ABCB1: variants seen among roughly 807,000 people sequenced by gnomAD.
ABCB1 encodes ATP binding cassette subfamily B member 1, also known as ATP-dependent translocase ABCB1.
In ABCB1, 69 loss-of-function variants were observed where a neutral mutation model predicts 142.0. That is an observed-to-expected ratio of 0.49 (90% CI 0.40 to 0.59). ABCB1 has a LOEUF of 0.59. Among genes scored for constraint, ABCB1 ranks in the 20% least tolerant of loss-of-function variants. The probability of loss-of-function intolerance (pLI) is 0.00; values close to 1 mark genes in which losing one functional copy is unlikely to be tolerated. For missense variants in ABCB1, 1,326 were observed against 1,554.7 expected (o/e 0.85, Z 2.47); for synonymous variants, 532 against 539.2 (o/e 0.99, Z 0.18).
intron 1 of ABCB1, chr7:87,713,039 A>G (rs767838713): frequency 1.3e-5 from 2 of 152,160 alleles, no homozygotes; most frequent in Non-Finnish European, 2.9e-5. Context: ...TTTTACTGAG[A>G]TGAAACCAAA....
At chr7:87,606,210 A>G (rs1007659837) in intron 1 of ABCB1, among the ~76,000 whole-genome samples, 1 of 152,158 alleles carries the variant, frequency 6.6e-6, no homozygotes, top group African/African-American at 2.4e-5. Context: ...ATACTGGTAC[A>G]CAGAAGAAAA....
intron 20 of ABCB1, among the ~76,000 whole-genome samples, chr7:87,535,605 A>G (rs1222020066): frequency 2.0e-5 from 3 of 152,220 alleles, no homozygotes; most frequent in Non-Finnish European, 4.4e-5. Context: ...GCCTTCTGAA[A>G]CTATTCCAAA....
At chr7:87,522,910 T>TA (rs1457014687) in intron 21 of ABCB1, among the ~76,000 whole-genome samples, 2 of 152,166 alleles carry the variant, frequency 1.3e-5, no homozygotes, top group Non-Finnish European at 2.9e-5. Flanking sequence ...AAATACACAT[T>TA]AATAATGAGA....
intron 20 of ABCB1, among the ~76,000 whole-genome samples, chr7:87,532,922 TAACACCTGTCTGATATA>T (rs1162907468): frequency 6.6e-6 from 1 of 152,168 alleles, no homozygotes; most frequent in East Asian, 1.9e-4. Flanking sequence ...CAAAATCATT[TAACACCTGTCTGATATA>T]AACACCAGAC....
At chr7:87,547,468 C>T (rs1030213465) in intron 14 of ABCB1, among the ~76,000 whole-genome samples, 1 of 152,080 alleles carries the variant, frequency 6.6e-6, no homozygotes, top group East Asian at 1.9e-4. Flanking sequence ...TGGCTCACTC[C>T]TGTAATTCCA....
chr7:87,540,567 A>G (rs28381941), intron 18 of ABCB1, among the ~76,000 whole-genome samples: 336 of 152,302 alleles, frequency 2.2e-3, no homozygotes, highest in Non-Finnish European at 3.8e-3. Context: ...TTCCTGCTTC[A>G]GCCTACTGAG....
At chr7:87,596,263 T>C (rs1374098611) in intron 2 of ABCB1, among the ~76,000 whole-genome samples, 1 of 152,088 alleles carries the variant, frequency 6.6e-6, no homozygotes, top group Non-Finnish European at 1.5e-5. Flanking sequence ...ACTACCCAGA[T>C]ATTATTCTTA....
intron 19 of ABCB1, 83 bp from the exon 20 acceptor site, chr7:87,536,624 T>C: frequency 3.3e-6 from 4 of 1,203,082 alleles, no homozygotes; most frequent in Non-Finnish European, 4.9e-6. Context: ...GGGTCAGTTT[T>C]GTTTATACTT....
intron 4 of ABCB1, among the ~76,000 whole-genome samples, chr7:87,583,315 T>A (rs1389077586): frequency 6.6e-6 from 1 of 152,146 alleles, no homozygotes; most frequent in East Asian, 1.9e-4. Flanking sequence ...AACCTCAAAA[T>A]TAAAAATTGG....
At chr7:87,616,191 G>C (rs1170737517) in intron 1 of ABCB1, among the ~76,000 whole-genome samples, 2 of 152,142 alleles carry the variant, frequency 1.3e-5, no homozygotes, top group African/African-American at 4.8e-5. Flanking sequence ...GGAATAATAA[G>C]ATATCTTAAA....
chr7:87,504,591 A>G (rs1412069637), intron 27 of ABCB1, 142 bp from the exon 28 acceptor site: 8 of 1,098,430 alleles, frequency 7.3e-6, no homozygotes, highest in East Asian at 5.2e-5. Flanking sequence ...GGCAGATCAC[A>G]AGGTCAGATT....
rs539574585 is a variant in ABCB1, at chr7:87,553,470, G to A, written c.999+291C>T. Among the ~76,000 whole-genome samples, 16 of 151,802 alleles carry A rather than the reference G, an allele frequency of 1.1e-4. No homozygotes were observed. The South Asian group carries it at 2.7e-3, about 26-fold the overall frequency. ...TGAGTAGCTGGGACTACAGGCGCCCGCCACCACGCCCGGCTAATTTTTTGT... is the reference window on the plus strand; with the variant it reads ...TGAGTAGCTGGGACTACAGGCGCCCACCACCACGCCCGGCTAATTTTTTGT... On this transcript the variant is annotated intron_variant, in intron 9 of 27. Coordinates refer to ENST00000622132, the MANE Select transcript of ABCB1 (RefSeq NM_001348946.2).
At chr7:87,527,097 G>A (rs1290525446) in intron 21 of ABCB1, among the ~76,000 whole-genome samples, 1 of 151,710 alleles carries the variant, frequency 6.6e-6, no homozygotes, top group East Asian at 1.9e-4. Context: ...CATTTCTGCT[G>A]CCTCTTGATT....
rs774493186 is a variant in ABCB1, at chr7:87,509,359, G to T, written c.3405C>A (p.Asp1135Glu). Reference sequence around the variant, plus strand: ...CTTCCTGTGACACCACCCGGCTGTTGTCTCCATAGGCAATGTTCTCAGCAA... The same window carrying T: ...CTTCCTGTGACACCACCCGGCTGTTTTCTCCATAGGCAATGTTCTCAGCAA... ...CSIAENIAYG[D>E]NSRVVSQEEI... Residue 1135 changes from aspartate (D) to glutamate (E), a missense_variant, in exon 26 of 28, where the codon GAC (aspartate) becomes GAA (glutamate). Coordinates refer to ENST00000622132, the MANE Select transcript of ABCB1 (RefSeq NM_001348946.2). The T allele has an allele frequency of 2.5e-6, 4 of 1,614,132 alleles. No homozygotes were observed. The South Asian group carries it at 4.4e-5, about 18-fold the overall frequency.
chr7:87,589,615 C>A (rs530992977), intron 3 of ABCB1, among the ~76,000 whole-genome samples: 70 of 152,072 alleles, frequency 4.6e-4, no homozygotes, highest in Non-Finnish European at 8.7e-4. Context: ...GAGACCCTCT[C>A]TCTACAAAAA....
chr7:87,586,748 C>T (rs1347598023), intron 3 of ABCB1, among the ~76,000 whole-genome samples: 1 of 152,124 alleles, frequency 6.6e-6, no homozygotes, highest in Non-Finnish European at 1.5e-5. Context: ...ATGAATCTTA[C>T]AGTAGCAACT....
intron 1 of ABCB1, among the ~76,000 whole-genome samples, chr7:87,688,567 C>T (rs1401107729): frequency 6.6e-6 from 1 of 151,612 alleles, no homozygotes; most frequent in East Asian, 1.9e-4. Context: ...TATATAAACC[C>T]ATTTTGATCA....
At chr7:87,615,578 C>T (rs1820007354) in intron 1 of ABCB1, among the ~76,000 whole-genome samples, 1 of 152,152 alleles carries the variant, frequency 6.6e-6, no homozygotes, top group African/African-American at 2.4e-5. Context: ...AGCTGGGAAG[C>T]TGTTTCAATG....
intron 1 of ABCB1, among the ~76,000 whole-genome samples, chr7:87,684,001 A>T (rs1418310616): frequency 6.6e-6 from 1 of 152,196 alleles, no homozygotes; most frequent in African/African-American, 2.4e-5. Flanking sequence ...TTGAAAATGG[A>T]TGTATTTCAT....
Sources: allele counts gnomAD v4.1 joint callset (sites outside exome capture counted in the v4.1 genomes callset), GRCh38; gene constraint gnomAD v4.1.1; transcripts MANE v1.5; gene names NCBI Gene and HGNC (gene_info 2026-07-23, HGNC 2026-07-21).